The following SEC14L2 variants were observed in gnomAD, a reference collection of about 807,000 sequenced individuals.
The protein encoded by SEC14L2 is SEC14-like protein 2.
SEC14L2 carries 50 observed loss-of-function variants against 56.9 expected under a neutral mutation model. The ratio of observed to expected loss-of-function variants is 0.88; its 90% confidence interval spans 0.70 to 1.11. The LOEUF is 1.11. Ranked by LOEUF, SEC14L2 falls within the 50% of genes most tolerant of loss-of-function variation. SEC14L2 has a pLI of 0.00. For missense variants in SEC14L2, 414 were observed against 500.7 expected (o/e 0.83, Z 1.65); for synonymous variants, 179 against 188.5 (o/e 0.95, Z 0.41).
rs1331465381 is a variant in SEC14L2 at position 30,422,685 on chromosome 22, T to C, written c.*278T>C. On this transcript the variant is annotated 3_prime_UTR_variant, in exon 12 of 12. Transcript: ENST00000615189. ...TTCACCTGTCCAGGGACAGCGAAGC[T>C]GGGGGTGGCGGGGGGCATGTACCAC... 1.6e-5 allele frequency: 5 copies of C among 316,058 alleles called. No individual in the cohort carries two copies. The highest frequency in any genetic ancestry group is 2.3e-5 in the Non-Finnish European group (4 of 171,112). The allele number at this position is 316,058 out of a possible 1,614,324, so 19.6% of individuals were successfully genotyped here. A position where few individuals can be genotyped will look rare whatever the true frequency, so the allele number is the denominator to read the frequency against.
chr22:30,404,401 A>T (rs1047286374), intron 2 of SEC14L2, among the ~76,000 whole-genome samples: 6 of 152,306 alleles, frequency 3.9e-5, no homozygotes, highest in African/African-American at 1.4e-4. Context: ...TGATTTTCAT[A>T]ACGGCAGAGT....
At chr22:30,406,693 G>A (rs1050491900) in intron 3 of SEC14L2, among the ~76,000 whole-genome samples, 3 of 152,002 alleles carry the variant, frequency 2.0e-5, no homozygotes, top group African/African-American at 4.8e-5. Context: ...TCACGCTGTC[G>A]CTTATTGCTA....
At chr22:30,411,809 CA>C (rs1429968675) in intron 8 of SEC14L2, among the ~76,000 whole-genome samples, 1 of 136,950 alleles carries the variant, frequency 7.3e-6, no homozygotes, top group Admixed American at 7.6e-5. Context: ...CAGACACAAA[CA>C]AATCTATCAG....
At chr22:30,409,871 G>A (rs897084390) in intron 7 of SEC14L2, among the ~76,000 whole-genome samples, 1 of 151,808 alleles carries the variant, frequency 6.6e-6, no homozygotes, top group Non-Finnish European at 1.5e-5. Context: ...CTGCACTCCA[G>A]CCTGGGCGAC....
chr22:30,417,960 C>T (rs942792899), intron 11 of SEC14L2, among the ~76,000 whole-genome samples: 4 of 151,980 alleles, frequency 2.6e-5, no homozygotes, highest in African/African-American at 4.8e-5. Context: ...AGTGAGCAGC[C>T]GGGTCCTGGG....
chr22:30,411,761 A>AAAAAAAAAAAAAAAAG (rs1555997934), intron 8 of SEC14L2, among the ~76,000 whole-genome samples: 6 of 142,718 alleles, frequency 4.2e-5, no homozygotes, highest in African/African-American at 1.6e-4. Flanking sequence ...AAAAAAAAAA[A>AAAAAAAAAAAAAAAAG]GGGGTCCCTT....
chr22:30,416,635 G>A lies in SEC14L2; in HGVS notation c.1081+232G>A, dbSNP rs1934398974. The A allele has an allele frequency of 4.1e-6, 6 of 1,449,718 alleles. No homozygotes were observed. The South Asian group carries it at 7.3e-5, about 18-fold the overall frequency. 89.8% of individuals were successfully genotyped at this position (1,449,718 alleles called of 1,614,324 possible). A position where few individuals can be genotyped will look rare whatever the true frequency, so the allele number is the denominator to read the frequency against. ...TTTGATCTCATACTCCTAGGTATGG[G>A]TGAGTCACAGTCCTAGGCGATCACA... On this transcript the variant is annotated intron_variant, in intron 11 of 11. Coordinates refer to ENST00000615189, the MANE Select transcript of SEC14L2 (RefSeq NM_012429.5).
At chr22:30,408,905 G>T in intron 5 of SEC14L2, 1 of 485,196 alleles carries the variant, frequency 2.1e-6, no homozygotes, top group Non-Finnish European at 3.8e-6. Context: ...CAGGAAGGGG[G>T]AGGCCATCAG....
chr22:30,411,404 A>T (rs1822608138), intron 8 of SEC14L2, among the ~76,000 whole-genome samples: 2 of 152,260 alleles, frequency 1.3e-5, no homozygotes, highest in South Asian at 4.1e-4. Context: ...TGACAAGCAC[A>T]TAGTATGTGC....
At chr22:30,397,556 CT>C (rs1933790828) in intron 1 of SEC14L2, 1 of 278,920 alleles carries the variant, frequency 3.6e-6, no homozygotes, top group South Asian at 4.3e-5. Flanking sequence ...AGGCTTTCTT[CT>C]TGTAGGGTCA....
intron 11 of SEC14L2, chr22:30,420,855 T>C (rs1934497623): frequency 6.6e-6 from 1 of 152,210 alleles, no homozygotes; most frequent in Non-Finnish European, 1.5e-5. Context: ...TTGGCTGAAA[T>C]GGAACAACTT....
chr22:30,410,338 A>G (rs1469608931), intron 7 of SEC14L2, among the ~76,000 whole-genome samples: 1 of 152,260 alleles, frequency 6.6e-6, no homozygotes, highest in Admixed American at 6.5e-5. Flanking sequence ...TTCAGTATTT[A>G]TAATCTCCTT....
intron 6 of SEC14L2, 66 bp from the exon 7 acceptor site, chr22:30,409,360 G>C (rs1219663669): frequency 3.1e-5 from 50 of 1,604,416 alleles, no homozygotes; most frequent in Non-Finnish European, 4.0e-5. Context: ...CTGTCCTGTG[G>C]GATGGGTGAG....
At chr22:30,408,657 C>T (rs766548117) in intron 5 of SEC14L2, among the ~76,000 whole-genome samples, 1 of 152,230 alleles carries the variant, frequency 6.6e-6, no homozygotes, top group Non-Finnish European at 1.5e-5. Flanking sequence ...CCACTTCCCT[C>T]CTGCCCTCCT....
At chr22:30,421,896 ATTATTGTTATTACAACTG>A (rs1934528525) in intron 11 of SEC14L2, 2 of 172,878 alleles carry the variant, frequency 1.2e-5, no homozygotes, top group Non-Finnish European at 2.5e-5. Flanking sequence ...ACACACAGCT[ATTATTGTTATTACAACTG>A]CTACTGCTGC....
Position 30,410,732 on chromosome 22 carries a change from G to A in SEC14L2, c.664+53G>A, listed in dbSNP as rs1364848158. On this transcript the variant is annotated intron_variant, in intron 8 of 11. Transcript: ENST00000615189. ...CAAAGGAGGGTCTGTAGCCTAAATC[G>A]GGTCCAGCTTTAGGGGTGTGGCCGT... The A allele has an allele frequency of 2.5e-5, 39 of 1,542,566 alleles. No individual in the cohort carries two copies. The East Asian group carries it at 7.2e-4, about 28-fold the overall frequency.
At chr22:30,420,927 T>C (rs1367325315) in intron 11 of SEC14L2, 1 of 152,212 alleles carries the variant, frequency 6.6e-6, no homozygotes, top group Non-Finnish European at 1.5e-5. Context: ...GGAAGCTTTC[T>C]CTGCCAAGTG....
chr22:30,397,828 C>G (rs148293773), intron 1 of SEC14L2: 15 of 470,964 alleles, frequency 3.2e-5, no homozygotes, highest in Admixed American at 9.4e-5. Flanking sequence ...AGACCCCTGC[C>G]TGGTTCAGGA....
chr22:30,397,078 C>T lies in SEC14L2; in HGVS notation c.-39C>T, dbSNP rs1933770131. 1 of 1,538,302 alleles carries T rather than the reference C, an allele frequency of 6.5e-7. No individual in the cohort carries two copies. ...GCTCCATCAGCTGCCGCACCCGCCG[C>T]CTCCCGCCCCCAAACCCCATCCCCG... is the stretch of plus-strand genomic sequence containing the variant. On this transcript the variant is annotated 5_prime_UTR_variant, in exon 1 of 12. Transcript: ENST00000615189.
Sources: gnomAD v4.1 joint callset for allele counts (sites outside exome capture counted in the v4.1 genomes callset) on GRCh38, gnomAD v4.1.1 for gene constraint, MANE v1.5 for transcripts, NCBI Gene and HGNC (gene_info 2026-07-23, HGNC 2026-07-21) for gene names.